Variants in SEPTIN7 observed in about 807,000 individuals in gnomAD.
SEPTIN7 encodes septin-7.
Under a neutral mutation model 63.3 loss-of-function variants are expected in SEPTIN7, and 10 were observed. The observed-to-expected ratio is 0.16, with a 90% CI of 0.10 to 0.27. SEPTIN7 has a LOEUF of 0.27. Ranked by LOEUF, SEPTIN7 falls within the 10% of genes least tolerant of loss-of-function variation. SEPTIN7 has a pLI of 1.00. For synonymous variants in SEPTIN7, 131 were observed against 165.3 expected, an observed-to-expected ratio of 0.79 and a Z score of 1.59; for missense variants, 310 against 521.0, an observed-to-expected ratio of 0.59 and a Z score of 3.94.
chr7:35,900,667 TTATA>T (rs1412494857), intron 12 of SEPTIN7: 1 of 152,214 alleles, frequency 6.6e-6, no homozygotes. Context: ...GTAGTTTAAC[TTATA>T]TTTGAGGCAG....
At chr7:35,820,368 T>G (rs1233597900) in intron 1 of SEPTIN7, among the ~76,000 whole-genome samples, 1 of 152,102 alleles carries the variant, frequency 6.6e-6, no homozygotes, top group Non-Finnish European at 1.5e-5. Flanking sequence ...CCCACCCCTT[T>G]TCTCCTTCCC....
chr7:35,910,746 G>GCA (rs1300594995), downstream of SEPTIN7, among the ~76,000 whole-genome samples: 3 of 152,180 alleles, frequency 2.0e-5, no homozygotes, highest in Admixed American at 6.5e-5. Context: ...ACTGAATCTA[G>GCA]CATTATTAAC....
intron 1 of SEPTIN7, among the ~76,000 whole-genome samples, chr7:35,802,783 G>A (rs1029225045): frequency 7.9e-5 from 12 of 152,006 alleles, no homozygotes; most frequent in African/African-American, 2.9e-4. Context: ...GACTGCAAGG[G>A]AATGAGTAAG....
chr7:35,899,880 T>A (rs1788207543), intron 12 of SEPTIN7: 1 of 152,176 alleles, frequency 6.6e-6, no homozygotes, highest in Admixed American at 6.5e-5. Context: ...CTAGACCTTG[T>A]CTCAAAATTA....
intron 7 of SEPTIN7, among the ~76,000 whole-genome samples, chr7:35,881,011 A>G (rs1786842325): frequency 6.6e-6 from 1 of 152,038 alleles, no homozygotes; most frequent in Non-Finnish European, 1.5e-5. Context: ...TTAAAAGTAG[A>G]TTGTAATTAT....
intron 4 of SEPTIN7, among the ~76,000 whole-genome samples, chr7:35,866,282 A>G (rs558002715): frequency 6.6e-6 from 1 of 152,244 alleles, no homozygotes; most frequent in Non-Finnish European, 1.5e-5. Flanking sequence ...GCCTGAATGT[A>G]GTTAGAAAAT....
In SEPTIN7 at chr7:35,882,978, C is replaced by T. The variant is rs577016402; in HGVS notation, c.723+402C>T. Among the ~76,000 whole-genome samples the T allele has an allele frequency of 9.2e-5, 14 of 152,096 alleles. No individual in the cohort carries two copies. The East Asian group carries it at 1.4e-3, about 15-fold the overall frequency. ...GCTAGATAGGAGGAGTAAGTTCTAG[C>T]GTTCTGTAGCATTGTAGGGTGGCTG... On this transcript the variant is annotated intron_variant, in intron 8 of 13. Transcript: ENST00000350320.
intron 11 of SEPTIN7, among the ~76,000 whole-genome samples, chr7:35,897,974 AT>A (rs1461257082): frequency 7.4e-6 from 1 of 134,852 alleles, no homozygotes; most frequent in Non-Finnish European, 1.6e-5. Flanking sequence ...CTGTGAATGT[AT>A]TTTGGGAATT....
In SEPTIN7 at chr7:35,809,301, A is replaced by G. The variant is rs368042732; in HGVS notation, c.61+8031A>G. Among the ~76,000 whole-genome samples, 11 of 152,242 alleles carry G rather than the reference A, an allele frequency of 7.2e-5. No individual in the cohort carries two copies. The East Asian group carries it at 1.2e-3, about 16-fold the overall frequency. On this transcript the variant is annotated intron_variant, in intron 1 of 13. Transcript: ENST00000350320. ...ACCTTTGGCAAATAACAGAACTTCT[A>G]TTTTTCCTTCTCTGTAATGTGGGAA... is the stretch of plus-strand genomic sequence containing the variant.
chr7:35,891,822 A>G (rs1787666430), intron 11 of SEPTIN7, among the ~76,000 whole-genome samples: 1 of 152,218 alleles, frequency 6.6e-6, no homozygotes, highest in Admixed American at 6.5e-5. Context: ...GTTCTTTTGT[A>G]GTAACACTTA....
intron 13 of SEPTIN7, among the ~76,000 whole-genome samples, chr7:35,903,673 C>G (rs1788456004): frequency 6.6e-6 from 1 of 152,148 alleles, no homozygotes; most frequent in Non-Finnish European, 1.5e-5. Flanking sequence ...TACAACTAAT[C>G]AATTACTTTC....
chr7:35,897,149 TA>T (rs1372179212), intron 11 of SEPTIN7, among the ~76,000 whole-genome samples: 1 of 152,050 alleles, frequency 6.6e-6, no homozygotes, highest in African/African-American at 2.4e-5. Flanking sequence ...GTTAATTTTT[TA>T]AAAAAAATTA....
intron 4 of SEPTIN7, among the ~76,000 whole-genome samples, chr7:35,868,385 G>A (rs578126164): frequency 2.3e-4 from 35 of 152,278 alleles, no homozygotes; most frequent in African/African-American, 7.9e-4. Flanking sequence ...TTGAATGCTT[G>A]TCTTAAACTA....
chr7:35,801,969 G>A (rs535519333), intron 1 of SEPTIN7, among the ~76,000 whole-genome samples: 1 of 152,296 alleles, frequency 6.6e-6, no homozygotes, highest in South Asian at 2.1e-4. Flanking sequence ...TCTTGAGAAC[G>A]GAGGGAGAAT....
downstream of SEPTIN7, among the ~76,000 whole-genome samples, chr7:35,909,826 G>T (rs1435689436): frequency 1.3e-5 from 2 of 152,158 alleles, no homozygotes; most frequent in Admixed American, 6.5e-5. Flanking sequence ...CTCAATCCTG[G>T]CAACAAAATT....
intron 12 of SEPTIN7, chr7:35,900,793 T>A (rs1314660065): frequency 1.3e-5 from 2 of 152,178 alleles, no homozygotes; most frequent in Admixed American, 6.5e-5. Flanking sequence ...GTGAAGACAG[T>A]TTTGAAGAAC....
At chr7:35,802,514 G>C (rs1391376295) in intron 1 of SEPTIN7, among the ~76,000 whole-genome samples, 3 of 152,142 alleles carry the variant, frequency 2.0e-5, no homozygotes, top group Non-Finnish European at 2.9e-5. Flanking sequence ...AAATATCTTT[G>C]TTAGTGCCCC....
In SEPTIN7 at chr7:35,808,095, G is replaced by A. The variant is rs148119141; in HGVS notation, c.61+6825G>A. On this transcript the variant is annotated intron_variant, in intron 1 of 13. Transcript: ENST00000350320. ...GCTTCCTAAAGTGCTGGGATTACAGGTGCAAGCCACCGCACCCAGCCTGGT... is the reference window on the plus strand; with the variant it reads ...GCTTCCTAAAGTGCTGGGATTACAGATGCAAGCCACCGCACCCAGCCTGGT... Among the ~76,000 whole-genome samples the A allele has an allele frequency of 7.3e-3, 1,116 of 152,154 alleles. 9 individuals carry two copies. The highest frequency in any genetic ancestry group is 0.025 in the African/African-American group (1,050 of 41,482).
At chr7:35,817,814 T>C (rs1166038069) in intron 1 of SEPTIN7, among the ~76,000 whole-genome samples, 1 of 152,038 alleles carries the variant, frequency 6.6e-6, no homozygotes, top group Non-Finnish European at 1.5e-5. Context: ...GAATTTTTTC[T>C]TAATTTTTTT....
Sources: allele counts gnomAD v4.1 joint callset (sites outside exome capture counted in the v4.1 genomes callset), GRCh38; gene constraint gnomAD v4.1.1; transcripts MANE v1.5; gene names NCBI Gene and HGNC (gene_info 2026-07-23, HGNC 2026-07-21).